The following SLC18A1 variants were observed in gnomAD, a reference collection of about 807,000 sequenced individuals.
The protein encoded by SLC18A1 is solute carrier family 18 member A1, also known as chromaffin granule amine transporter.
A neutral mutation model predicts 53.7 loss-of-function variants in SLC18A1; 69 were observed. That is an observed-to-expected ratio of 1.28 (90% CI 1.06 to 1.57). The LOEUF is 1.57. Among genes scored for constraint, SLC18A1 ranks in the 40% most tolerant of loss-of-function variants. SLC18A1 has a pLI of 0.00. For synonymous variants in SLC18A1, 320 were observed against 248.1 expected (o/e 1.29, Z -2.72); for missense variants, 932 against 668.1 (o/e 1.40, Z -4.35).
intron 15 of SLC18A1, among the ~76,000 whole-genome samples, chr8:20,146,822 C>CAA (rs10604873): frequency 1.1e-4 from 15 of 137,734 alleles, no homozygotes; most frequent in South Asian, 7.3e-4. Context: ...GAAACTCCAT[C>CAA]AAAAAAAAAA....
intron 10 of SLC18A1, among the ~76,000 whole-genome samples, chr8:20,154,343 G>A (rs2071631127): frequency 6.6e-6 from 1 of 152,154 alleles, no homozygotes; most frequent in Non-Finnish European, 1.5e-5. Context: ...CACCAAAAAT[G>A]GTGACAGGAG....
intron 11 of SLC18A1, 29 bp downstream of exon 11, chr8:20,150,637 T>A (rs563864723): frequency 1.3e-6 from 2 of 1,591,088 alleles, no homozygotes; most frequent in Non-Finnish European, 1.7e-6. Context: ...ACATTTCTAC[T>A]GTTCGTCCCA....
At chr8:20,171,713 T>C (rs892547358) in intron 6 of SLC18A1, among the ~76,000 whole-genome samples, 2 of 148,580 alleles carry the variant, frequency 1.3e-5, no homozygotes, top group Non-Finnish European at 3.0e-5. Context: ...TGCGCGCGCG[T>C]GTGTGTATGT....
rs779846411 is a variant in SLC18A1, at chr8:20,147,699, G to T, written c.1234C>A (p.Pro412Thr). Residue 412 changes from proline (P) to threonine (T), a missense_variant, in exon 14 of 16, where the codon CCC becomes ACC. Coordinates refer to ENST00000276373, the MANE Select transcript of SLC18A1 (RefSeq NM_003053.4). The stretch of plus-strand genomic sequence containing the variant: ...AGATCCACCAGGTGCCCCATGATGG[G>T]CATCATAGAAGAATCCACCATGCCT... ...AIGMVDSSMM[P>T]IMGHLVDLRH... is the part of the protein sequence containing the mutation. 1.2e-6 allele frequency: 2 copies of T among 1,613,644 alleles called. No homozygotes were observed. Among genetic ancestry groups the T allele is most frequent in the South Asian group, 2.2e-5 (2 of 90,968 alleles).
chr8:20,158,511 C>T (rs1018988644), intron 10 of SLC18A1, among the ~76,000 whole-genome samples: 1 of 152,112 alleles, frequency 6.6e-6, no homozygotes, highest in Admixed American at 6.5e-5. Context: ...GAATGCCCGT[C>T]CCGTTCAAGT....
At chr8:20,172,541 C>T (rs975312616) in intron 6 of SLC18A1, among the ~76,000 whole-genome samples, 2 of 152,124 alleles carry the variant, frequency 1.3e-5, no homozygotes, top group Non-Finnish European at 2.9e-5. Context: ...GTAGTTTTAT[C>T]GTTTGGGGCT....
chr8:20,175,300 T>G (rs2072228247), intron 4 of SLC18A1: 1 of 152,186 alleles, frequency 6.6e-6, no homozygotes. Flanking sequence ...TATGAACAAT[T>G]TGTGCAGTTA....
At position 20,171,417 on chromosome 8, in the gene SLC18A1, G is replaced by T; in HGVS notation, c.802C>A (p.Leu268Ile). 6.2e-7 allele frequency: 1 copy of T among 1,613,848 alleles called. No individual in the cohort carries two copies. Among genetic ancestry groups the T allele is most frequent in the Non-Finnish European group, 8.5e-7 (1 of 1,179,736 alleles). ...APFLILAFLA[L>I]LDGALQLCIL... ...GATGGTGACTTACCTCCATCCAGTAGTGCCAGGAAGGCCAGGATGAGGAAG... is the reference window on the plus strand; with the variant it reads ...GATGGTGACTTACCTCCATCCAGTATTGCCAGGAAGGCCAGGATGAGGAAG... The change falls in exon 7 of 16, where the codon CTA (leucine) becomes ATA (isoleucine). Residue 268 changes from leucine (L) to isoleucine (I), a missense_variant. Coordinates refer to ENST00000276373, the MANE Select transcript of SLC18A1 (RefSeq NM_003053.4).
intron 10 of SLC18A1, among the ~76,000 whole-genome samples, chr8:20,162,237 C>T (rs951207087): frequency 2.0e-5 from 3 of 152,132 alleles, no homozygotes; most frequent in Non-Finnish European, 2.9e-5. Context: ...CATCTCTGGG[C>T]CAGTAATGGG....
chr8:20,172,010 A>T (rs1015337943), intron 6 of SLC18A1, among the ~76,000 whole-genome samples: 1 of 152,246 alleles, frequency 6.6e-6, no homozygotes, highest in Admixed American at 6.5e-5. Flanking sequence ...GGAACCTTGT[A>T]TATGCAGATG....
rs548535908 is a variant in SLC18A1, at chr8:20,148,034, G to A, written c.1183C>T (p.Pro395Ser). The change falls in exon 13 of 16, where the codon CCC (proline) becomes TCC (serine). Residue 395 changes from proline (P) to serine (S), a missense_variant. Coordinates refer to ENST00000276373, the MANE Select transcript of SLC18A1 (RefSeq NM_003053.4). ...LAHNIFGLIG[P>S]NAGLGLAIGM... ...ATGGCAAGGCCAAGCCCTGCATTGG[G>A]GCCAATGAGACCAAAAATATTGTGA... The A allele has an allele frequency of 7.4e-6, 12 of 1,614,012 alleles. No individual in the cohort carries two copies. The highest frequency in any genetic ancestry group is 1.7e-5 in the Admixed American group (1 of 60,012).
chr8:20,145,989 C>T (rs1470880832), intron 15 of SLC18A1, 113 bp from the exon 16 acceptor site: 1 of 475,858 alleles, frequency 2.1e-6, no homozygotes, highest in Admixed American at 4.0e-5. Context: ...AATCTCGGCT[C>T]ACTGCAAGCT....
At chr8:20,177,895 A>G (rs1180894071) in intron 4 of SLC18A1, among the ~76,000 whole-genome samples, 1 of 152,060 alleles carries the variant, frequency 6.6e-6, no homozygotes, top group African/African-American at 2.4e-5. Context: ...TGGATAGAGT[A>G]TTTGTCTTTC....
chr8:20,181,353 G>A (rs897198742), intron 1 of SLC18A1, among the ~76,000 whole-genome samples: 35 of 152,190 alleles, frequency 2.3e-4, no homozygotes, highest in African/African-American at 8.2e-4. Flanking sequence ...TCAAACATCC[G>A]ACATTTATTT....
intron 2 of SLC18A1, among the ~76,000 whole-genome samples, chr8:20,180,010 G>C (rs1333208379): frequency 1.3e-5 from 2 of 152,122 alleles, no homozygotes; most frequent in Non-Finnish European, 2.9e-5. Flanking sequence ...CCTGCTAGTG[G>C]AGAGGCCTTG....
In SLC18A1 at chr8:20,171,431, A is replaced by T; in HGVS notation, c.788T>A (p.Leu263Gln). 6.2e-7 allele frequency: 1 copy of T among 1,614,146 alleles called. No homozygotes were observed. The highest frequency in any genetic ancestry group is 8.5e-7 in the Non-Finnish European group (1 of 1,179,970). The change falls in exon 7 of 16, where the codon CTG (leucine) becomes CAG (glutamine). Residue 263 changes from leucine (L) to glutamine (Q), a missense_variant. Leu to Gln is a moderately radical substitution (Grantham distance 113). Coordinates refer to ENST00000276373, the MANE Select transcript of SLC18A1 (RefSeq NM_003053.4). ...TCCATCCAGTAGTGCCAGGAAGGCC[A>T]GGATGAGGAAGGGTGCAGACTTCCC... ...FVGKSAPFLI[L>Q]AFLALLDGAL...
At chr8:20,176,066 A>T (rs6992702) in intron 4 of SLC18A1, 31,177 of 152,056 alleles carry the variant, frequency 0.21, 3,346 homozygotes, top group African/African-American at 0.23. Context: ...CAGTGTGGAC[A>T]TGGGTTGTTT....
In SLC18A1 at chr8:20,179,123, G is replaced by T. The variant is rs1418201194; in HGVS notation, c.486C>A (p.Asn162Lys). 1 of 1,609,816 alleles carries T rather than the reference G, an allele frequency of 6.2e-7. No individual in the cohort carries two copies. Among genetic ancestry groups the T allele is most frequent in the East Asian group, 2.2e-5 (1 of 44,814 alleles). ...GGGCACTGCACCCAGTGAGATACCT[G>T]TTGGTGAGAGGGCCCACGAATGGGT... is the stretch of plus-strand genomic sequence containing the variant. ...LVNPFVGPLT[N>K]RIGYHIPMFA... is the part of the protein sequence containing the mutation. Residue 162 changes from asparagine to lysine, a missense_variant and splice_region_variant, in exon 3 of 16, where the codon AAC becomes AAA. By Grantham distance (94) the Asn-to-Lys change is moderately conservative. Transcript: ENST00000276373.
At chr8:20,173,720 C>G (rs1363354057) in intron 5 of SLC18A1, among the ~76,000 whole-genome samples, 2 of 152,100 alleles carry the variant, frequency 1.3e-5, no homozygotes, top group Admixed American at 6.5e-5. Context: ...CTATAAAGTA[C>G]TAAGAGGGGG....
Sources: gnomAD v4.1 joint callset for allele counts (sites outside exome capture counted in the v4.1 genomes callset) on GRCh38, gnomAD v4.1.1 for gene constraint, MANE v1.5 for transcripts, NCBI Gene and HGNC (gene_info 2026-07-23, HGNC 2026-07-21) for gene names.